GDPD4: variants seen among roughly 807,000 people sequenced by gnomAD.
GDPD4 encodes the protein glycerophosphodiester phosphodiesterase 6.
GDPD4 carries 60 observed loss-of-function variants against 67.8 expected under a neutral mutation model. The observed-to-expected ratio is 0.88, with a 90% CI of 0.72 to 1.10. GDPD4 has a LOEUF of 1.10. Among genes scored for constraint, GDPD4 ranks in the 50% least tolerant of loss-of-function variants. The pLI is 0.00. For synonymous variants in GDPD4, 212 were observed against 210.9 expected, an observed-to-expected ratio of 1.00 and a Z score of -0.04; for missense variants, 623 against 613.9, an observed-to-expected ratio of 1.01 and a Z score of -0.16.
At chr11:77,281,925 GA>G (rs1398677605) in intron 3 of GDPD4, among the ~76,000 whole-genome samples, 1 of 151,612 alleles carries the variant, frequency 6.6e-6, no homozygotes, top group Non-Finnish European at 1.5e-5. Context: ...TTTATACAGG[GA>G]AAAAAAGATT....
intron 4 of GDPD4, among the ~76,000 whole-genome samples, chr11:77,278,380 T>C (rs1959590441): frequency 6.6e-6 from 1 of 152,202 alleles, no homozygotes. Context: ...TTCTTCCTCA[T>C]TACCATATCT....
chr11:77,235,009 GTTTTTTTTTTTTT>G (rs57989259), intron 13 of GDPD4, among the ~76,000 whole-genome samples: 37 of 52,260 alleles, frequency 7.1e-4, no homozygotes, highest in South Asian at 1.3e-3. Flanking sequence ...GTCAATATCT[GTTTTTTTTTTTTT>G]TTTTTTTTTT....
Position 77,216,749 on chromosome 11 carries a change from C to T in GDPD4, c.*528G>A. 1.7e-6 allele frequency: 1 copy of T among 597,926 alleles called. No homozygotes were observed. Among genetic ancestry groups the T allele is most frequent in the Non-Finnish European group, 3.0e-6 (1 of 337,342 alleles). 37.0% of individuals were successfully genotyped at this position (597,926 alleles called of 1,614,324 possible). A position where few individuals can be genotyped will look rare whatever the true frequency, so the allele number is the denominator to read the frequency against. On this transcript the variant is annotated 3_prime_UTR_variant, in exon 17 of 17. Transcript: ENST00000315938. ...ATGGTTCCCCTGAGAGCCTCCGTGG[C>T]CCTTCTGTGTGCCTTTATCAACCAC...
chr11:77,228,499 CAAAAAAAAAAAAAAA>C (rs58364800), intron 15 of GDPD4, among the ~76,000 whole-genome samples: 1 of 26,640 alleles, frequency 3.8e-5, no homozygotes, highest in Non-Finnish European at 6.3e-5. Flanking sequence ...GACTCCGTCT[CAAAAAAAAAAAAAAA>C]AAAAAAAAAA....
intron 11 of GDPD4, among the ~76,000 whole-genome samples, chr11:77,254,821 T>C (rs1031664793): frequency 1.3e-5 from 2 of 152,138 alleles, no homozygotes; most frequent in African/African-American, 2.4e-5. Flanking sequence ...GATTAATAAA[T>C]ACATTAATAA....
rs201954098 is a variant in GDPD4 at position 77,225,105 on chromosome 11, T to TAAAC, written c.1525+2755_1525+2758dup. Among the ~76,000 whole-genome samples the TAAAC allele has an allele frequency of 8.9e-3, 1,355 of 151,930 alleles. 22 individuals carry two copies. The highest frequency in any genetic ancestry group is 0.03 in the African/African-American group (1,233 of 41,416). ...GGGCGAAAGAGTGAGACCTTGCCTCTAAACAAGCAAAACAAAAAACTAGTA... is the reference window on the plus strand; with the variant it reads ...GGGCGAAAGAGTGAGACCTTGCCTCTAAACAAACAAGCAAAACAAAAAACTAGTA... On this transcript the variant is annotated intron_variant, in intron 16 of 16. Coordinates refer to ENST00000315938, the MANE Select transcript of GDPD4 (RefSeq NM_182833.3).
At chr11:77,224,850 C>A (rs1204636724) in intron 16 of GDPD4, among the ~76,000 whole-genome samples, 1 of 151,768 alleles carries the variant, frequency 6.6e-6, no homozygotes, top group Non-Finnish European at 1.5e-5. Context: ...ATCTGTAATT[C>A]CAGTGCTTTA....
chr11:77,269,057 G>A lies in GDPD4; in HGVS notation c.491C>T (p.Pro164Leu). The change falls in exon 9 of 17, where the codon CCT becomes CTT. Residue 164 changes from proline to leucine, a missense_variant. Pro to Leu is a moderately conservative substitution (Grantham distance 98, BLOSUM62 -3). Transcript: ENST00000315938. The part of the protein sequence containing the change: ...VITRLRGLQV[P>L]VGLPFLLILL... ...GATAAGAAGAAAGGGTAATCCAACA[G>A]GCACTTGTAGACCTGAAAAATTTGA... is the stretch of plus-strand genomic sequence containing the variant. 2 of 1,613,670 alleles carry A rather than the reference G, an allele frequency of 1.2e-6. No homozygotes were observed. Among genetic ancestry groups the A allele is most frequent in the East Asian group, 2.2e-5 (1 of 44,842 alleles).
chr11:77,260,756 C>A (rs1404863870), intron 10 of GDPD4, among the ~76,000 whole-genome samples: 8 of 152,076 alleles, frequency 5.3e-5, no homozygotes, highest in Non-Finnish European at 1.2e-4. Flanking sequence ...GATATAATAA[C>A]TGAAATGAAA....
At chr11:77,270,022 A>C (rs1959200851) in intron 7 of GDPD4, 62 bp from the exon 8 acceptor site, 2 of 800,494 alleles carry the variant, frequency 2.5e-6, no homozygotes, top group Admixed American at 2.6e-5. Context: ...CCCTTGCCCC[A>C]GAAATACTTT....
chr11:77,291,648 T>G (rs536793408), intron 1 of GDPD4, among the ~76,000 whole-genome samples: 1 of 152,220 alleles, frequency 6.6e-6, no homozygotes, highest in African/African-American at 2.4e-5. Context: ...ACAAACATTA[T>G]GTACTGATAA....
intron 1 of GDPD4, among the ~76,000 whole-genome samples, chr11:77,297,669 A>G (rs1938022393): frequency 6.6e-6 from 1 of 152,206 alleles, no homozygotes; most frequent in Admixed American, 6.5e-5. Context: ...CTCATCTTTA[A>G]ATGTGGATGA....
At chr11:77,230,680 A>C (rs908789452) in intron 14 of GDPD4, among the ~76,000 whole-genome samples, 3 of 152,226 alleles carry the variant, frequency 2.0e-5, no homozygotes. Context: ...GAATATTTTA[A>C]AATAAAATTT....
At chr11:77,286,745 T>C (rs1960012969) in intron 2 of GDPD4, among the ~76,000 whole-genome samples, 1 of 152,222 alleles carries the variant, frequency 6.6e-6, no homozygotes, top group African/African-American at 2.4e-5. Flanking sequence ...CCACTCAGCC[T>C]TACTAGAGTT....
chr11:77,224,084 CT>C (rs1315909637), intron 16 of GDPD4, among the ~76,000 whole-genome samples: 1 of 152,152 alleles, frequency 6.6e-6, no homozygotes, highest in African/African-American at 2.4e-5. Flanking sequence ...CTCGATTTTC[CT>C]GGTACAGTCT....
At position 77,242,532 on chromosome 11, in the gene GDPD4, A is replaced by C. The variant is rs1289195214; in HGVS notation, c.1241+1162T>G. 3.3e-5 allele frequency among the ~76,000 whole-genome samples: 5 copies of C among 152,294 alleles called. No homozygotes were observed. The East Asian group carries it at 9.6e-4, about 29-fold the overall frequency. On this transcript the variant is annotated intron_variant, in intron 13 of 16. Coordinates refer to ENST00000315938, the MANE Select transcript of GDPD4 (RefSeq NM_182833.3). ...AAACTGACAATTAGAAACTTTTCCA[A>C]AGAGACCAAAGTAGCTGATGGCTAG...
chr11:77,279,488 G>C, intron 3 of GDPD4, 89 bp from the exon 4 acceptor site: 1 of 744,792 alleles, frequency 1.3e-6, no homozygotes, highest in Non-Finnish European at 2.4e-6. Flanking sequence ...ACTAGATAAG[G>C]CATAAGCAAA....
intron 13 of GDPD4, among the ~76,000 whole-genome samples, chr11:77,238,475 T>C (rs1958603173): frequency 6.6e-6 from 1 of 151,678 alleles, no homozygotes; most frequent in Non-Finnish European, 1.5e-5. Flanking sequence ...TCCCAGCTAC[T>C]TGGGAGGCTG....
At chr11:77,221,603 G>C (rs1397813038) in intron 16 of GDPD4, among the ~76,000 whole-genome samples, 1 of 152,312 alleles carries the variant, frequency 6.6e-6, no homozygotes, top group Middle Eastern at 3.4e-3. Flanking sequence ...GAGACAGTTT[G>C]TTGTGATTTC....
Sources: gnomAD v4.1 joint callset for allele counts (sites outside exome capture counted in the v4.1 genomes callset) on GRCh38, gnomAD v4.1.1 for gene constraint, MANE v1.5 for transcripts, NCBI Gene and HGNC (gene_info 2026-07-23, HGNC 2026-07-21) for gene names.